The following CYB5R4 variants were observed in gnomAD, a reference collection of about 807,000 sequenced individuals.
CYB5R4 encodes N-terminal cytochrome b5 and cytochrome b5 oxidoreductase domain-containing protein.
A neutral mutation model predicts 70.2 loss-of-function variants in CYB5R4; 55 were observed. The ratio of observed to expected loss-of-function variants is 0.78; its 90% CI spans 0.63 to 0.98. CYB5R4 has a LOEUF of 0.98. Ranked by LOEUF, CYB5R4 falls within the 50% of genes least tolerant of loss-of-function variation. The pLI is 0.00. For missense variants in CYB5R4, 562 were observed against 612.6 expected (o/e 0.92, Z 0.87); for synonymous variants, 197 against 199.5 (o/e 0.99, Z 0.11).
chr6:83,933,583 A>T (rs551467369), intron 10 of CYB5R4, among the ~76,000 whole-genome samples: 1 of 152,348 alleles, frequency 6.6e-6, no homozygotes, highest in South Asian at 2.1e-4. Context: ...ATCTCTGTAA[A>T]TACTATTTTA....
intron 5 of CYB5R4, among the ~76,000 whole-genome samples, chr6:83,916,500 T>C (rs1011677238): frequency 6.6e-6 from 1 of 152,166 alleles, no homozygotes; most frequent in Non-Finnish European, 1.5e-5. Context: ...TTAGAAAAAA[T>C]ACATTTAATT....
chr6:83,887,205 A>C (rs1208887978), intron 2 of CYB5R4, among the ~76,000 whole-genome samples: 1 of 152,136 alleles, frequency 6.6e-6, no homozygotes, highest in Non-Finnish European at 1.5e-5. Context: ...GCTACTAGGC[A>C]CTGGATCTGT....
intron 3 of CYB5R4, among the ~76,000 whole-genome samples, chr6:83,903,422 T>A (rs369569757): frequency 4.3e-4 from 66 of 152,232 alleles, no homozygotes; most frequent in African/African-American, 1.5e-3. Flanking sequence ...TTCATTTGGC[T>A]AGTGTTTTCT....
intron 4 of CYB5R4, among the ~76,000 whole-genome samples, chr6:83,912,168 T>G (rs765213381): frequency 3.3e-5 from 5 of 152,126 alleles, no homozygotes; most frequent in Non-Finnish European, 7.4e-5. Flanking sequence ...CTTATCATAG[T>G]TCTGCCTCCC....
intron 2 of CYB5R4, among the ~76,000 whole-genome samples, chr6:83,875,968 T>C (rs1246663877): frequency 6.6e-6 from 1 of 152,204 alleles, no homozygotes; most frequent in Admixed American, 6.5e-5. Flanking sequence ...CTCTTTTTCC[T>C]AGCCCTCTCT....
At chr6:83,921,060 C>A (rs1037338270) in intron 7 of CYB5R4, 22 bp from the exon 8 acceptor site, 1 of 1,442,596 alleles carries the variant, frequency 6.9e-7, no homozygotes, top group Non-Finnish European at 9.3e-7. Context: ...TCTAATCTTT[C>A]TATTTTTGCT....
intron 14 of CYB5R4, among the ~76,000 whole-genome samples, chr6:83,947,891 G>A (rs1188720498): frequency 6.6e-6 from 1 of 152,186 alleles, no homozygotes; most frequent in Non-Finnish European, 1.5e-5. Context: ...AGAGGGTGTG[G>A]AGAAATAGGA....
At chr6:83,867,069 C>T (rs546736917) in intron 2 of CYB5R4, among the ~76,000 whole-genome samples, 1 of 152,238 alleles carries the variant, frequency 6.6e-6, no homozygotes, top group South Asian at 2.1e-4. Context: ...TCAGTTTAGA[C>T]CCTGCTGATG....
chr6:83,863,963 A>G (rs1163133364), intron 1 of CYB5R4, among the ~76,000 whole-genome samples: 2 of 152,186 alleles, frequency 1.3e-5, no homozygotes, highest in Non-Finnish European at 2.9e-5. Flanking sequence ...ATACTGATAG[A>G]CTACTGTACT....
At chr6:83,870,243 G>GTT (rs949546800) in intron 2 of CYB5R4, among the ~76,000 whole-genome samples, 1 of 152,052 alleles carries the variant, frequency 6.6e-6, no homozygotes, top group African/African-American at 2.4e-5. Context: ...CCAACTTTGT[G>GTT]TTTTTTCCAA....
intron 14 of CYB5R4, among the ~76,000 whole-genome samples, chr6:83,943,827 G>C (rs998759331): frequency 6.6e-6 from 1 of 151,894 alleles, no homozygotes; most frequent in African/African-American, 2.4e-5. Flanking sequence ...AGTATCCATA[G>C]CCAAATCGAT....
intron 6 of CYB5R4, among the ~76,000 whole-genome samples, chr6:83,918,756 C>A (rs576533310): frequency 8.6e-5 from 13 of 151,942 alleles, no homozygotes; most frequent in Non-Finnish European, 1.8e-4. Flanking sequence ...GTAGTTTTTT[C>A]TTTTACCCCT....
chr6:83,946,286 C>G (rs944592553), intron 14 of CYB5R4, among the ~76,000 whole-genome samples: 4 of 152,232 alleles, frequency 2.6e-5, no homozygotes, highest in Non-Finnish European at 4.4e-5. Flanking sequence ...AATCAATAAA[C>G]GTATTGCATC....
At chr6:83,867,301 A>G (rs1019137083) in intron 2 of CYB5R4, among the ~76,000 whole-genome samples, 1 of 152,184 alleles carries the variant, frequency 6.6e-6, no homozygotes, top group Non-Finnish European at 1.5e-5. Flanking sequence ...CAAACACAGG[A>G]AAGTTTGAGG....
intron 11 of CYB5R4, 145 bp from the exon 12 acceptor site, chr6:83,936,079 A>C (rs2099468881): frequency 3.4e-6 from 2 of 580,538 alleles, no homozygotes; most frequent in Admixed American, 7.0e-5. Flanking sequence ...TACTATATAC[A>C]TATAGAAAAA....
In CYB5R4 at chr6:83,955,388, G is replaced by T; in HGVS notation, c.1437G>T (p.Leu479Phe). 1 of 1,613,848 alleles carries T rather than the reference G, an allele frequency of 6.2e-7. No individual in the cohort carries two copies. The highest frequency in any genetic ancestry group is 1.1e-5 in the South Asian group (1 of 91,080). Residue 479 changes from leucine (L) to phenylalanine (F), a missense_variant, in exon 15 of 16, where the codon TTG becomes TTT. Transcript: ENST00000369681. ...HISPALLSEF[L>F]KRNLDKSKVL... ...CACCAGCTCTTCTTTCTGAATTTTT[G>T]AAAAGAAATTTGGACAAATCCAAAG... is the stretch of plus-strand genomic sequence containing the variant.
intron 2 of CYB5R4, among the ~76,000 whole-genome samples, chr6:83,868,758 C>G (rs2099457122): frequency 6.6e-6 from 1 of 152,152 alleles, no homozygotes; most frequent in African/African-American, 2.4e-5. Flanking sequence ...TCTGAGAGTT[C>G]TTCTGTCAAG....
intron 4 of CYB5R4, among the ~76,000 whole-genome samples, chr6:83,911,686 GTTC>G (rs2099464703): frequency 6.6e-6 from 1 of 151,828 alleles, no homozygotes; most frequent in African/African-American, 2.4e-5. Flanking sequence ...CAGTAGAAAC[GTTC>G]TTCTTCTGTG....
In CYB5R4 at chr6:83,955,413, G is replaced by A; in HGVS notation, c.1462G>A (p.Val488Ile). The A allele has an allele frequency of 2.5e-6, 4 of 1,613,920 alleles. No individual in the cohort carries two copies. Among genetic ancestry groups the A allele is most frequent in the Non-Finnish European group, 3.4e-6 (4 of 1,179,894 alleles). ...FLKRNLDKSKVLVCICGPVPF... is the reference protein window; with the variant it reads ...FLKRNLDKSKILVCICGPVPF... The stretch of plus-strand genomic sequence containing the variant: ...GAAAAGAAATTTGGACAAATCCAAA[G>A]TTCTCGTCTGCATTTGTGGACCAGT... Residue 488 changes from valine to isoleucine, a missense_variant, in exon 15 of 16, where the codon GTT becomes ATT. Transcript: ENST00000369681.
Sources: gnomAD v4.1 joint callset for allele counts (sites outside exome capture counted in the v4.1 genomes callset) on GRCh38, gnomAD v4.1.1 for gene constraint, MANE v1.5 for transcripts, NCBI Gene and HGNC (gene_info 2026-07-23, HGNC 2026-07-21) for gene names.